PPP1R17: variants seen among roughly 807,000 people sequenced by gnomAD.
PPP1R17 encodes the protein G-substrate.
PPP1R17 carries 12 observed loss-of-function variants against 15.9 expected under a neutral mutation model. The observed-to-expected ratio is 0.75, with a 90% CI of 0.48 to 1.22. The LOEUF (loss-of-function observed/expected upper bound fraction) is 1.22, where lower values mean the gene tolerates loss of function less well. Among genes scored for constraint, PPP1R17 ranks in the 50% most tolerant of loss-of-function variants. The pLI is 0.00. For synonymous variants in PPP1R17, 63 were observed against 64.5 expected (o/e 0.98, Z 0.11); for missense variants, 211 against 187.3 (o/e 1.13, Z -0.74).
intron 2 of PPP1R17, among the ~76,000 whole-genome samples, chr7:31,694,820 C>A (rs886307510): frequency 1.3e-5 from 2 of 152,038 alleles, no homozygotes; most frequent in African/African-American, 4.8e-5. Context: ...GATGTAAAAG[C>A]CAGGCTTCAA....
At chr7:31,691,797 T>TAAAAAAAAAAAAAAA (rs377169335) in intron 1 of PPP1R17, among the ~76,000 whole-genome samples, 24 of 86,534 alleles carry the variant, frequency 2.8e-4, no homozygotes, top group Non-Finnish European at 4.2e-4. Context: ...ATGTAATGAT[T>TAAAAAAAAAAAAAAA]AAAAAAAAAA....
At chr7:31,699,553 T>G (rs1229863567) in intron 4 of PPP1R17, among the ~76,000 whole-genome samples, 1 of 152,202 alleles carries the variant, frequency 6.6e-6, no homozygotes, top group Non-Finnish European at 1.5e-5. Context: ...TGGTGATATT[T>G]CCATACTAGA....
intron 4 of PPP1R17, among the ~76,000 whole-genome samples, chr7:31,704,532 C>G (rs1193047446): frequency 2.6e-5 from 4 of 152,134 alleles, no homozygotes; most frequent in African/African-American, 4.8e-5. Flanking sequence ...AAGTCTTGTG[C>G]CAGATGTTAG....
At chr7:31,703,209 C>T (rs1177645544) in intron 4 of PPP1R17, among the ~76,000 whole-genome samples, 1 of 152,210 alleles carries the variant, frequency 6.6e-6, no homozygotes. Flanking sequence ...ATTCTCTGTT[C>T]AATCTTATAT....
intron 1 of PPP1R17, among the ~76,000 whole-genome samples, chr7:31,690,489 T>C (rs1792296148): frequency 6.6e-6 from 1 of 152,204 alleles, no homozygotes; most frequent in African/African-American, 2.4e-5. Flanking sequence ...AGACTTAACT[T>C]GTGTGGAGAG....
chr7:31,699,738 C>T (rs1183656116), intron 4 of PPP1R17, among the ~76,000 whole-genome samples: 3 of 151,894 alleles, frequency 2.0e-5, no homozygotes, highest in African/African-American at 2.4e-5. Context: ...GTGTTAACTT[C>T]ATGTCTCTGT....
At chr7:31,689,736 G>A (rs758020896) in intron 1 of PPP1R17, among the ~76,000 whole-genome samples, 22 of 152,184 alleles carry the variant, frequency 1.4e-4, no homozygotes, top group African/African-American at 1.9e-4. Context: ...CCACTTGCTT[G>A]TTCTTTTCTT....
Position 31,705,986 on chromosome 7 carries a change from ATTTTTTTTTTTTTTTTT to A in PPP1R17, c.389-1198_389-1182del, listed in dbSNP as rs550189867. ...GACTTCTGAATTTCACAGACCAGTA[ATTTTTTTTTTTTTTTTT>A]TTTTTTTTTTTTTTTTTTTGAGAAG... On this transcript the variant is annotated intron_variant, in intron 4 of 4. Coordinates refer to ENST00000342032, the MANE Select transcript of PPP1R17 (RefSeq NM_006658.5). 1.5e-3 allele frequency among the ~76,000 whole-genome samples: 77 copies of A among 52,512 alleles called. 2 individuals are homozygous for A. The highest frequency in any genetic ancestry group is 0.027 in the Middle Eastern group (2 of 74). The allele number at this position is 52,512 out of a possible 152,430, so 34.4% of individuals were successfully genotyped here. A position where few individuals can be genotyped will look rare whatever the true frequency, so the allele number is the denominator to read the frequency against.
At chr7:31,704,608 T>C (rs1373814606) in intron 4 of PPP1R17, among the ~76,000 whole-genome samples, 2 of 152,196 alleles carry the variant, frequency 1.3e-5, no homozygotes, top group Non-Finnish European at 2.9e-5. Flanking sequence ...ATTCCTACAA[T>C]GTGAAATATG....
At chr7:31,692,180 A>G (rs1034360565) in intron 1 of PPP1R17, among the ~76,000 whole-genome samples, 1 of 152,178 alleles carries the variant, frequency 6.6e-6, no homozygotes, top group African/African-American at 2.4e-5. Context: ...GATACATGAC[A>G]ATTATGAATA....
chr7:31,687,517 C>G (rs1792153259), intron 1 of PPP1R17, among the ~76,000 whole-genome samples: 1 of 152,060 alleles, frequency 6.6e-6, no homozygotes, highest in Admixed American at 6.5e-5. Flanking sequence ...AAGACTGAAC[C>G]CTCACAAACT....
chr7:31,707,079 A>G (rs2128250196), intron 4 of PPP1R17, 125 bp from the exon 5 acceptor site: 1 of 771,632 alleles, frequency 1.3e-6, no homozygotes, highest in Non-Finnish European at 2.1e-6. Flanking sequence ...TACTGTTAGC[A>G]GGTAACCTTG....
At chr7:31,696,886 C>A in intron 3 of PPP1R17, 79 bp from the exon 4 acceptor site, 1 of 1,475,182 alleles carries the variant, frequency 6.8e-7, no homozygotes, top group Non-Finnish European at 9.2e-7. Context: ...CACCAGATGT[C>A]TATAAATATG....
intron 4 of PPP1R17, among the ~76,000 whole-genome samples, chr7:31,705,249 G>A (rs1405053024): frequency 6.6e-6 from 1 of 152,022 alleles, no homozygotes; most frequent in Non-Finnish European, 1.5e-5. Context: ...AAGTTTCCAG[G>A]GTACCAAAAG....
At position 31,707,276 on chromosome 7, in the gene PPP1R17, C is replaced by T. The variant is rs1205347988; in HGVS notation, c.461C>T (p.Ala154Val). 1.2e-6 allele frequency: 2 copies of T among 1,613,268 alleles called. No individual in the cohort carries two copies. The highest frequency in any genetic ancestry group is 1.7e-6 in the Non-Finnish European group (2 of 1,179,482). Residue 154 changes from alanine to valine, a missense_variant, in exon 5 of 5, where the codon GCT becomes GTT. By Grantham distance (64) the Ala-to-Val change is moderately conservative. Transcript: ENST00000342032. ...GACGAAAAGGATGGTGACAAGATAG[C>T]TATTTAAAGATAGTTCCCCTGAGAC... ...EDDEKDGDKI[A>V]I
chr7:31,694,501 A>T (rs527875973), intron 2 of PPP1R17, among the ~76,000 whole-genome samples: 1 of 152,276 alleles, frequency 6.6e-6, no homozygotes, highest in South Asian at 2.1e-4. Context: ...CAGAACTAGA[A>T]AATGATAAGA....
chr7:31,707,364 G>C lies in PPP1R17; in HGVS notation c.*81G>C, dbSNP rs1793112564. The C allele has an allele frequency of 8.2e-7, 1 of 1,217,008 alleles. No individual in the cohort carries two copies. Among genetic ancestry groups the C allele is most frequent in the South Asian group, 1.5e-5 (1 of 68,234 alleles). The allele number at this position is 1,217,008 out of a possible 1,614,324, so 75.4% of individuals were successfully genotyped here. A position where few individuals can be genotyped will look rare whatever the true frequency, so the allele number is the denominator to read the frequency against. On this transcript the variant is annotated 3_prime_UTR_variant, in exon 5 of 5. Coordinates refer to ENST00000342032, the MANE Select transcript of PPP1R17 (RefSeq NM_006658.5). ...CTAGAGAAAAAATAGACTTGTTTCTGCTCTCATTTTTGTCATCGTCTGACT... is the reference window on the plus strand; with the variant it reads ...CTAGAGAAAAAATAGACTTGTTTCTCCTCTCATTTTTGTCATCGTCTGACT...
intron 1 of PPP1R17, among the ~76,000 whole-genome samples, chr7:31,689,207 G>A (rs953423109): frequency 6.6e-6 from 1 of 152,164 alleles, no homozygotes; most frequent in Admixed American, 6.5e-5. Flanking sequence ...TTAGAATTCA[G>A]AGCCCACACT....
Position 31,707,342 on chromosome 7 carries a change from G to A in PPP1R17, c.*59G>A. ...TAGATTGGTTCCCTGTGGTGACCTAGAGAAAAAATAGACTTGTTTCTGCTC... is the reference window on the plus strand; with the variant it reads ...TAGATTGGTTCCCTGTGGTGACCTAAAGAAAAAATAGACTTGTTTCTGCTC... On this transcript the variant is annotated 3_prime_UTR_variant, in exon 5 of 5. Transcript: ENST00000342032. The A allele has an allele frequency of 2.1e-6, 3 of 1,418,904 alleles. No individual in the cohort carries two copies. The highest frequency in any genetic ancestry group is 4.0e-5 in the Admixed American group (2 of 50,228). The allele number at this position is 1,418,904 out of a possible 1,614,324, so 87.9% of individuals were successfully genotyped here.
Sources: gnomAD v4.1 joint callset for allele counts (sites outside exome capture counted in the v4.1 genomes callset) on GRCh38, gnomAD v4.1.1 for gene constraint, MANE v1.5 for transcripts, NCBI Gene and HGNC (gene_info 2026-07-23, HGNC 2026-07-21) for gene names.